The following VEGFC variants were observed in gnomAD, a reference collection of about 807,000 sequenced individuals.
VEGFC encodes FLT4 ligand DHM.
VEGFC carries 12 observed loss-of-function variants against 46.1 expected under a neutral mutation model. That is an observed-to-expected ratio of 0.26 (90% CI 0.17 to 0.42). The LOEUF (loss-of-function observed/expected upper bound fraction) is 0.42, where lower values mean the gene tolerates loss of function less well. Among genes scored for constraint, VEGFC ranks in the 10% least tolerant of loss-of-function variants. The pLI is 1.00. For missense variants in VEGFC, 488 were observed against 529.4 expected (o/e 0.92, Z 0.77); for synonymous variants, 232 against 195.5 (o/e 1.19, Z -1.56).
intron 1 of VEGFC, among the ~76,000 whole-genome samples, chr4:176,763,729 G>A (rs758436228): frequency 2.0e-5 from 3 of 152,004 alleles, no homozygotes. Flanking sequence ...AACCTTACAG[G>A]TTCCATAAGG....
intron 1 of VEGFC, among the ~76,000 whole-genome samples, chr4:176,784,557 C>T (rs1049781290): frequency 6.6e-6 from 1 of 151,372 alleles, no homozygotes; most frequent in Non-Finnish European, 1.5e-5. Flanking sequence ...ACCATTCTGG[C>T]TAACATGGTC....
At chr4:176,714,250 TC>T (rs1268588353) in intron 3 of VEGFC, among the ~76,000 whole-genome samples, 3 of 152,176 alleles carry the variant, frequency 2.0e-5, no homozygotes, top group Non-Finnish European at 4.4e-5. Flanking sequence ...AGTGAGATTT[TC>T]CTGTTAGTTC....
chr4:176,687,931 T>C lies in VEGFC; in HGVS notation c.705-4A>G. The C allele has an allele frequency of 1.9e-6, 3 of 1,597,394 alleles. No individual in the cohort carries two copies. The highest frequency in any genetic ancestry group is 1.1e-5 in the South Asian group (1 of 90,030). Reference sequence around the variant, plus strand: ...GGTCTTGTTCGCTGCCTGACACCTTTGGAAGAAACAGACGAGGTTTAGCAA... The same window carrying C: ...GGTCTTGTTCGCTGCCTGACACCTTCGGAAGAAACAGACGAGGTTTAGCAA... On this transcript the variant is annotated splice_region_variant and splice_polypyrimidine_tract_variant and intron_variant, in intron 4 of 6. Coordinates refer to ENST00000618562, the MANE Select transcript of VEGFC (RefSeq NM_005429.5).
intron 1 of VEGFC, among the ~76,000 whole-genome samples, chr4:176,788,229 G>A (rs1354266386): frequency 6.6e-6 from 1 of 152,184 alleles, no homozygotes; most frequent in Non-Finnish European, 1.5e-5. Flanking sequence ...ATATTACCAT[G>A]GATTAGGTCA....
chr4:176,738,658 G>A (rs905488060), intron 1 of VEGFC, among the ~76,000 whole-genome samples: 6 of 151,862 alleles, frequency 4.0e-5, no homozygotes, highest in African/African-American at 7.2e-5. Context: ...ATTTCATGAC[G>A]AAGACGCCAA....
At chr4:176,758,682 G>A (rs1256719048) in intron 1 of VEGFC, among the ~76,000 whole-genome samples, 1 of 152,094 alleles carries the variant, frequency 6.6e-6, no homozygotes, top group Non-Finnish European at 1.5e-5. Context: ...TAACCCTAGT[G>A]ATTACTTTAG....
intron 1 of VEGFC, among the ~76,000 whole-genome samples, chr4:176,761,988 C>T (rs973067806): frequency 6.6e-6 from 1 of 152,132 alleles, no homozygotes; most frequent in Non-Finnish European, 1.5e-5. Flanking sequence ...CTTTAGAATG[C>T]ATTTATTCTG....
At chr4:176,787,456 CAAAA>C (rs11456080) in intron 1 of VEGFC, among the ~76,000 whole-genome samples, 3 of 114,288 alleles carry the variant, frequency 2.6e-5, no homozygotes, top group Non-Finnish European at 5.1e-5. Flanking sequence ...GACCCTGTCT[CAAAA>C]AAAAAAAAAA....
intron 3 of VEGFC, among the ~76,000 whole-genome samples, chr4:176,719,014 C>A (rs1331407772): frequency 1.3e-5 from 2 of 152,132 alleles, no homozygotes; most frequent in Admixed American, 1.3e-4. Context: ...CTTTTCAAAG[C>A]CACTTAGATA....
At chr4:176,773,301 G>A (rs1392130524) in intron 1 of VEGFC, among the ~76,000 whole-genome samples, 1 of 152,198 alleles carries the variant, frequency 6.6e-6, no homozygotes, top group Admixed American at 6.5e-5. Context: ...ATGATATGAT[G>A]TTGCTCCATG....
chr4:176,762,540 T>C (rs916627231), intron 1 of VEGFC, among the ~76,000 whole-genome samples: 1 of 152,204 alleles, frequency 6.6e-6, no homozygotes, highest in East Asian at 1.9e-4. Context: ...TTTTTCATCA[T>C]GTACCCAGTT....
At chr4:176,731,740 A>G (rs1298496211) in intron 1 of VEGFC, among the ~76,000 whole-genome samples, 1 of 152,036 alleles carries the variant, frequency 6.6e-6, no homozygotes. Flanking sequence ...GCTGCAATAC[A>G]ACATCCTTAC....
chr4:176,721,496 G>A (rs1283677303), intron 3 of VEGFC, among the ~76,000 whole-genome samples: 2 of 152,204 alleles, frequency 1.3e-5, no homozygotes, highest in African/African-American at 4.8e-5. Context: ...TAGGAGACCA[G>A]TTATTAGGCT....
chr4:176,756,148 C>A (rs1164352878), intron 1 of VEGFC, among the ~76,000 whole-genome samples: 1 of 151,946 alleles, frequency 6.6e-6, no homozygotes, highest in Admixed American at 6.6e-5. Context: ...CTTTTTAAAT[C>A]TATTAAGTGA....
chr4:176,723,130 T>C (rs1560945988), intron 3 of VEGFC, among the ~76,000 whole-genome samples: 2 of 152,182 alleles, frequency 1.3e-5, no homozygotes, highest in South Asian at 2.1e-4. Context: ...GGTTGACCAA[T>C]AGTAAGAAAG....
chr4:176,692,849 AC>A (rs1286824141), intron 4 of VEGFC, among the ~76,000 whole-genome samples: 35 of 145,776 alleles, frequency 2.4e-4, no homozygotes, highest in Middle Eastern at 3.4e-3. Context: ...ACTGGGAGGC[AC>A]CCCCCAGCAG....
intron 1 of VEGFC, among the ~76,000 whole-genome samples, chr4:176,764,786 A>G (rs1324933829): frequency 6.6e-6 from 1 of 152,216 alleles, no homozygotes; most frequent in Non-Finnish European, 1.5e-5. Context: ...CCTCTCTAGA[A>G]AGGCAAAACT....
At position 176,729,256 on chromosome 4, in the gene VEGFC, GC is replaced by G. The variant is rs1734921734; in HGVS notation, c.361+276del. Among the ~76,000 whole-genome samples, 4 of 152,178 alleles carry G rather than the reference GC, an allele frequency of 2.6e-5. No individual in the cohort carries two copies. The South Asian group carries it at 8.3e-4, about 32-fold the overall frequency. Reference sequence around the variant, plus strand: ...AAACAGATATAGTATGTAAAATATAGCCATCTGTTTTAAAAATTTTCCAATG... The same window carrying G: ...AAACAGATATAGTATGTAAAATATAGCATCTGTTTTAAAAATTTTCCAATG... On this transcript the variant is annotated intron_variant, in intron 2 of 6. Coordinates refer to ENST00000618562, the MANE Select transcript of VEGFC (RefSeq NM_005429.5).
At chr4:176,775,745 C>T (rs953334982) in intron 1 of VEGFC, among the ~76,000 whole-genome samples, 14 of 152,092 alleles carry the variant, frequency 9.2e-5, no homozygotes, top group Middle Eastern at 3.2e-3. Context: ...GAATGAAGTA[C>T]GTAATATATT....
Sources: allele counts gnomAD v4.1 joint callset (sites outside exome capture counted in the v4.1 genomes callset), GRCh38; gene constraint gnomAD v4.1.1; transcripts MANE v1.5; gene names NCBI Gene and HGNC (gene_info 2026-07-23, HGNC 2026-07-21).